The following CA3 variants were observed in gnomAD, a reference collection of about 807,000 sequenced individuals.
CA3 encodes carbonic anhydrase 3.
A neutral mutation model predicts 35.7 loss-of-function variants in CA3; 30 were observed. The ratio of observed to expected loss-of-function variants is 0.84; its 90% CI spans 0.63 to 1.14. CA3 has a LOEUF of 1.14. Among genes scored for constraint, CA3 ranks in the 50% most tolerant of loss-of-function variants. CA3 has a pLI of 0.00. For synonymous variants in CA3, 131 were observed against 130.8 expected (o/e 1.00, Z -0.01); for missense variants, 295 against 328.5 (o/e 0.90, Z 0.79).
At chr8:85,447,917 AAACAAAC>A (rs1811314235) in intron 6 of CA3, 110 bp from the exon 7 acceptor site, 1 of 990,526 alleles carries the variant, frequency 1.0e-6, no homozygotes, top group African/African-American at 1.7e-5. Flanking sequence ...ACAAACAAAC[AAACAAAC>A]AAAAAAACCA....
intron 5 of CA3, 72 bp downstream of exon 5, chr8:85,445,290 A>G (rs1197450811): frequency 5.0e-6 from 5 of 1,004,534 alleles, no homozygotes; most frequent in African/African-American, 3.2e-5. Context: ...ATTTTCAAGT[A>G]TTTTTTTCAC....
intron 4 of CA3, among the ~76,000 whole-genome samples, chr8:85,444,847 T>C (rs536985346): frequency 1.3e-5 from 2 of 152,218 alleles, no homozygotes; most frequent in African/African-American, 4.8e-5. Flanking sequence ...ATACATAGGG[T>C]CCATTTTGGT....
Position 85,445,209 on chromosome 8 carries a change from T to C in CA3, c.498T>C (p.Ile166=), listed in dbSNP as rs1423684050. Residue 166 remains isoleucine (I), a synonymous_variant, in exon 5 of 7, where the codon ATT becomes ATC. Transcript: ENST00000285381. The part of the protein sequence containing the change: ...FQIFLDALDK[I]KTKGKEAPFT... The stretch of plus-strand genomic sequence containing the variant: ...TTTTCCTTGATGCATTGGACAAGAT[T>C]AAGACAAAGGTAAACAAAAATCATT... 1 of 1,598,602 alleles carries C rather than the reference T, an allele frequency of 6.3e-7. No homozygotes were observed. The highest frequency in any genetic ancestry group is 8.6e-7 in the Non-Finnish European group (1 of 1,168,680).
chr8:85,438,921 G>A lies in CA3; in HGVS notation c.12G>A (p.Glu4=), dbSNP rs1269875878. ...GGAGGAAGGCGACCATGGCCAAGGAGTGGGGCTACGCCAGTCACAACGGTG... is the reference window on the plus strand; with the variant it reads ...GGAGGAAGGCGACCATGGCCAAGGAATGGGGCTACGCCAGTCACAACGGTG... MAK[E]WGYASHNGPD... is the part of the protein sequence containing the mutation. The change falls in exon 1 of 7, where the codon GAG becomes GAA. Residue 4 remains glutamate, a synonymous_variant. Coordinates refer to ENST00000285381, the MANE Select transcript of CA3 (RefSeq NM_005181.4). The A allele has an allele frequency of 6.4e-7, 1 of 1,551,096 alleles. No homozygotes were observed. Among genetic ancestry groups the A allele is most frequent in the Middle Eastern group, 1.7e-4 (1 of 5,734 alleles).
chr8:85,447,616 G>A (rs1811309664), intron 6 of CA3, among the ~76,000 whole-genome samples: 1 of 152,188 alleles, frequency 6.6e-6, no homozygotes, highest in Non-Finnish European at 1.5e-5. Flanking sequence ...ACCAGTATTG[G>A]CCAGGCACGA....
intron 1 of CA3, among the ~76,000 whole-genome samples, 192 bp from the exon 2 acceptor site, chr8:85,439,520 C>T (rs1325065035): frequency 6.6e-6 from 1 of 152,176 alleles, no homozygotes; most frequent in Non-Finnish European, 1.5e-5. Flanking sequence ...GTTAAATAGT[C>T]TCCATGTGTG....
At chr8:85,439,022 C>CT in intron 1 of CA3, 79 bp downstream of exon 1, 2 of 1,369,148 alleles carry the variant, frequency 1.5e-6, no homozygotes, top group Non-Finnish European at 2.0e-6. Flanking sequence ...AAATGGGCAA[C>CT]TTTAGAGACT....
intron 4 of CA3, 57 bp downstream of exon 4, chr8:85,444,183 T>C (rs1207761678): frequency 1.8e-6 from 2 of 1,095,924 alleles, no homozygotes; most frequent in Non-Finnish European, 2.8e-6. Context: ...TGCCAATGGT[T>C]AGCATAGTTT....
chr8:85,446,387 G>T (rs1811291910), intron 6 of CA3, 90 bp downstream of exon 6: 1 of 1,405,562 alleles, frequency 7.1e-7, no homozygotes, highest in Admixed American at 1.8e-5. Context: ...CTACTAACTG[G>T]ATACTCACTG....
At chr8:85,446,342 A>G (rs755570046) in intron 6 of CA3, 45 bp downstream of exon 6, 2 of 1,586,138 alleles carry the variant, frequency 1.3e-6, no homozygotes, top group South Asian at 1.1e-5. Flanking sequence ...CTGTCTGCCT[A>G]TGTAAGATAC....
chr8:85,443,966 G>A, intron 3 of CA3, 68 bp from the exon 4 acceptor site: 1 of 1,077,462 alleles, frequency 9.3e-7, no homozygotes, highest in East Asian at 2.4e-5. Flanking sequence ...TGGGTTTATT[G>A]TGGATAATGT....
rs1337669847 is a variant in CA3, at chr8:85,448,615, G to A, written c.*462G>A. The A allele has an allele frequency of 6.6e-6, 1 of 152,086 alleles. No individual in the cohort carries two copies. Among genetic ancestry groups the A allele is most frequent in the Non-Finnish European group, 1.5e-5 (1 of 68,026 alleles). The allele number at this position is 152,086 out of a possible 1,614,324, so 9.4% of individuals were successfully genotyped here. A position where few individuals can be genotyped will look rare whatever the true frequency, so the allele number is the denominator to read the frequency against. ...AAGATCATATAACAATTAAACATAA[G>A]CCAGAAATTAAAATGACTATAGACA... is the stretch of plus-strand genomic sequence containing the variant. On this transcript the variant is annotated 3_prime_UTR_variant, in exon 7 of 7. Transcript: ENST00000285381.
In CA3 at chr8:85,448,430, CAG is replaced by C. The variant is rs1266647347; in HGVS notation, c.*281_*282del. 1.8e-5 allele frequency: 4 copies of C among 224,454 alleles called. No homozygotes were observed. Among genetic ancestry groups the C allele is most frequent in the African/African-American group, 6.8e-5 (3 of 44,052 alleles). 13.9% of individuals were successfully genotyped at this position (224,454 alleles called of 1,614,324 possible). On this transcript the variant is annotated 3_prime_UTR_variant, in exon 7 of 7. Coordinates refer to ENST00000285381, the MANE Select transcript of CA3 (RefSeq NM_005181.4). ...TGGTAAAGTTTCAAAGAAGAAGAAA[CAG>C]AGATGGAAGAGTAAAGATATTTTTA...
intron 3 of CA3, among the ~76,000 whole-genome samples, chr8:85,443,541 ATAAAT>A (rs1484427516): frequency 1.2e-4 from 18 of 152,358 alleles, no homozygotes; most frequent in African/African-American, 4.1e-4. Context: ...CCATGGCAAG[ATAAAT>A]TAAGTATTGA....
At chr8:85,447,939 C>A (rs1476878900) in intron 6 of CA3, 95 bp from the exon 7 acceptor site, 1 of 1,193,878 alleles carries the variant, frequency 8.4e-7, no homozygotes, top group Non-Finnish European at 1.2e-6. Context: ...AAACCAACAA[C>A]AAAAAAAACC....
At chr8:85,444,551 C>A (rs1229307341) in intron 4 of CA3, among the ~76,000 whole-genome samples, 1 of 152,168 alleles carries the variant, frequency 6.6e-6, no homozygotes, top group Admixed American at 6.5e-5. Flanking sequence ...GACATCCCCT[C>A]GGCTTGAGGT....
chr8:85,443,703 A>T (rs1340134272), intron 3 of CA3, among the ~76,000 whole-genome samples: 7 of 152,190 alleles, frequency 4.6e-5, no homozygotes, highest in Admixed American at 2.0e-4. Flanking sequence ...ACTGCTGCAA[A>T]TGATTGTATC....
At chr8:85,447,969 T>C (rs1349988776) in intron 6 of CA3, 65 bp from the exon 7 acceptor site, 4 of 1,507,074 alleles carry the variant, frequency 2.7e-6, no homozygotes, top group Non-Finnish European at 3.6e-6. Context: ...TTTATACCTC[T>C]TTGTCACGTA....
intron 6 of CA3, among the ~76,000 whole-genome samples, chr8:85,447,425 G>A (rs868234281): frequency 2.0e-5 from 3 of 152,194 alleles, no homozygotes; most frequent in Non-Finnish European, 4.4e-5. Flanking sequence ...CAAATAAAAA[G>A]TAAATGTTTC....
Sources: allele counts gnomAD v4.1 joint callset (sites outside exome capture counted in the v4.1 genomes callset), GRCh38; gene constraint gnomAD v4.1.1; transcripts MANE v1.5; gene names NCBI Gene and HGNC (gene_info 2026-07-23, HGNC 2026-07-21).